Variants in SNRPC observed in about 807,000 individuals in gnomAD.
SNRPC encodes the protein U1 small nuclear ribonucleoprotein C.
A neutral mutation model predicts 20.0 loss-of-function variants in SNRPC; 5 were observed. The observed-to-expected ratio is 0.25, with a 90% CI of 0.13 to 0.53. The LOEUF is 0.53. Among genes scored for constraint, SNRPC ranks in the 20% least tolerant of loss-of-function variants. The probability of loss-of-function intolerance (pLI) is 0.96; values close to 1 mark genes in which losing one functional copy is unlikely to be tolerated. For synonymous variants in SNRPC, 61 were observed against 58.7 expected, an observed-to-expected ratio of 1.04 and a Z score of -0.18; for missense variants, 112 against 224.1, an observed-to-expected ratio of 0.50 and a Z score of 3.19.
At chr6:34,762,740 G>A (rs745564492) in intron 3 of SNRPC, 37 bp downstream of exon 3, 1 of 1,088,012 alleles carries the variant, frequency 9.2e-7, no homozygotes, top group Non-Finnish European at 1.4e-6. Context: ...TGGTAAAATG[G>A]TCCTATTCTT....
chr6:34,765,299 A>G (rs1022670734), intron 3 of SNRPC, among the ~76,000 whole-genome samples: 13 of 152,164 alleles, frequency 8.5e-5, no homozygotes, highest in Admixed American at 2.6e-4. Flanking sequence ...GCCCCTGGGA[A>G]GCAAAATTGT....
At chr6:34,771,942 A>G (rs1022201587) in intron 5 of SNRPC, among the ~76,000 whole-genome samples, 64 of 152,238 alleles carry the variant, frequency 4.2e-4, no homozygotes, top group African/African-American at 1.5e-3. Flanking sequence ...TGATTCATCT[A>G]AAGAAGTCTT....
intron 5 of SNRPC, among the ~76,000 whole-genome samples, 155 bp downstream of exon 5, chr6:34,770,550 C>G (rs931169559): frequency 6.6e-6 from 1 of 152,210 alleles, no homozygotes; most frequent in African/African-American, 2.4e-5. Context: ...CATAAATTAT[C>G]TAATTAGCTG....
chr6:34,757,868 C>G, intron 1 of SNRPC, 44 bp from the exon 2 acceptor site: 1 of 1,587,448 alleles, frequency 6.3e-7, no homozygotes, highest in South Asian at 1.1e-5. Context: ...GGATGGGCAT[C>G]TCAGTGGTTG....
intron 2 of SNRPC, among the ~76,000 whole-genome samples, chr6:34,759,073 C>G (rs567580344): frequency 2.0e-5 from 3 of 149,992 alleles, no homozygotes; most frequent in Non-Finnish European, 3.0e-5. Context: ...TAATTAATGT[C>G]ACAATCTAAT....
chr6:34,758,470 C>T (rs1764482940), intron 2 of SNRPC, among the ~76,000 whole-genome samples: 1 of 152,100 alleles, frequency 6.6e-6, no homozygotes, highest in Non-Finnish European at 1.5e-5. Flanking sequence ...CATGGGCCAC[C>T]ACGCCCGGCT....
chr6:34,766,287 A>T (rs538009688), intron 3 of SNRPC, among the ~76,000 whole-genome samples: 2 of 152,038 alleles, frequency 1.3e-5, no homozygotes, highest in Admixed American at 1.3e-4. Context: ...TGTAGCCTTG[A>T]ACTCCTGGGC....
chr6:34,773,374 G>T lies in SNRPC; in HGVS notation c.356-72G>T. 7.1e-7 allele frequency: 1 copy of T among 1,403,526 alleles called. No individual in the cohort carries two copies. The allele number at this position is 1,403,526 out of a possible 1,614,324, so 86.9% of individuals were successfully genotyped here. ...GCTACGTTTTTTGTTTTTAATTGAA[G>T]TCCCATCAAACTCTCCCTAAATCGT... On this transcript the variant is annotated intron_variant, in intron 5 of 5. Coordinates refer to ENST00000244520, the MANE Select transcript of SNRPC (RefSeq NM_003093.3). The surrounding 1 kb of genome is among the most constrained non-coding windows in gnomAD (Gnocchi z 4.1).
chr6:34,757,717 G>C, intron 1 of SNRPC, 166 bp downstream of exon 1: 1 of 1,438,688 alleles, frequency 7.0e-7, no homozygotes, highest in Non-Finnish European at 9.6e-7. Flanking sequence ...CCATTTTAGA[G>C]TGCAGATGGA....
Position 34,770,399 on chromosome 6 carries a change from A to C in SNRPC, c.355+4A>C, listed in dbSNP as rs1764671577. ...GGGATGATGCCAGTGGGACCTGGTA[A>C]GTTTGAATGTCTGTCTTTCTAGTTT... On this transcript the variant is annotated splice_donor_region_variant and intron_variant, in intron 5 of 5. Coordinates refer to ENST00000244520, the MANE Select transcript of SNRPC (RefSeq NM_003093.3). The C allele has an allele frequency of 6.4e-7, 1 of 1,565,492 alleles. No homozygotes were observed. Among genetic ancestry groups the C allele is most frequent in the African/African-American group, 1.4e-5 (1 of 73,944 alleles).
Position 34,773,394 on chromosome 6 carries a change from A to T in SNRPC, c.356-52A>T. The stretch of plus-strand genomic sequence containing the variant: ...TTGAAGTCCCATCAAACTCTCCCTA[A>T]ATCGTATTTTCTGACTCCCTTTTTC... On this transcript the variant is annotated intron_variant, in intron 5 of 5. Transcript: ENST00000244520. The surrounding 1 kb of genome is among the most constrained non-coding windows in gnomAD (Gnocchi z 4.1). 1 of 1,579,822 alleles carries T rather than the reference A, an allele frequency of 6.3e-7. No homozygotes were observed. Among genetic ancestry groups the T allele is most frequent in the Non-Finnish European group, 8.7e-7 (1 of 1,155,890 alleles).
chr6:34,765,858 C>A lies in SNRPC; in HGVS notation c.161-2050C>A, dbSNP rs560053617. On this transcript the variant is annotated intron_variant, in intron 3 of 5. Transcript: ENST00000244520. ...GGCTCAGGTGATCCTCCGGTCTTGG[C>A]CTCCTGAGTAGGTAGGGCTACAGGT... 1.6e-4 allele frequency among the ~76,000 whole-genome samples: 24 copies of A among 152,132 alleles called. 2 individuals are homozygous for A. Among genetic ancestry groups the A allele is most frequent in the African/African-American group, 5.5e-4 (23 of 41,498 alleles).
intron 2 of SNRPC, among the ~76,000 whole-genome samples, chr6:34,758,696 G>C (rs1430517892): frequency 6.6e-6 from 1 of 152,102 alleles, no homozygotes; most frequent in Non-Finnish European, 1.5e-5. Flanking sequence ...ATTTTGTAAT[G>C]TGCATTGGTT....
intron 4 of SNRPC, 29 bp downstream of exon 4, chr6:34,768,026 T>C (rs1288854981): frequency 6.3e-7 from 1 of 1,590,734 alleles, no homozygotes; most frequent in Admixed American, 1.8e-5. Flanking sequence ...TCTTAAGGGG[T>C]GTGACGGGGC....
chr6:34,757,759 T>G, intron 1 of SNRPC, 153 bp from the exon 2 acceptor site: 1 of 1,563,746 alleles, frequency 6.4e-7, no homozygotes, highest in Non-Finnish European at 8.7e-7. Flanking sequence ...AAAGCCTGGT[T>G]TATGTGTCGA....
intron 3 of SNRPC, 108 bp from the exon 4 acceptor site, chr6:34,767,800 G>T (rs927063652): frequency 3.5e-6 from 4 of 1,132,576 alleles, no homozygotes; most frequent in Admixed American, 3.3e-5. Context: ...ACTAGCAAGA[G>T]TAAAGTAATT....
At chr6:34,764,116 G>A (rs774414132) in intron 3 of SNRPC, among the ~76,000 whole-genome samples, 50 of 151,922 alleles carry the variant, frequency 3.3e-4, no homozygotes, top group Non-Finnish European at 6.0e-4. Flanking sequence ...GGAGGAGGTG[G>A]GCAGATCCTC....
chr6:34,759,193 T>C (rs1581588430), intron 2 of SNRPC, among the ~76,000 whole-genome samples: 2 of 152,322 alleles, frequency 1.3e-5, no homozygotes, highest in African/African-American at 4.8e-5. Context: ...GGCAATACTT[T>C]CCATTGCTCT....
intron 3 of SNRPC, among the ~76,000 whole-genome samples, chr6:34,766,924 A>T (rs1311245901): frequency 1.3e-5 from 2 of 152,128 alleles, no homozygotes; most frequent in Admixed American, 1.3e-4. Context: ...TCAGGAATAG[A>T]CTTTATGAGT....
Sources: allele counts gnomAD v4.1 joint callset (sites outside exome capture counted in the v4.1 genomes callset), GRCh38; gene constraint gnomAD v4.1.1; non-coding constraint Gnocchi (gnomAD v3.1); transcripts MANE v1.5; gene names NCBI Gene and HGNC (gene_info 2026-07-23, HGNC 2026-07-21).